Variants in WWOX observed in about 807,000 individuals in gnomAD.
The protein encoded by WWOX is WW domain-containing oxidoreductase.
A neutral mutation model predicts 46.2 loss-of-function variants in WWOX; 69 were observed. The observed-to-expected ratio is 1.49, with a 90% CI of 1.23 to 1.82. The LOEUF (loss-of-function observed/expected upper bound fraction) is 1.82. Among genes scored for constraint, WWOX ranks in the 40% most tolerant of loss-of-function variants. WWOX has a pLI of 0.00. For missense variants in WWOX, 919 were observed against 542.6 expected (o/e 1.69, Z -6.89); for synonymous variants, 359 against 202.6 (o/e 1.77, Z -6.56).
intron 8 of WWOX, among the ~76,000 whole-genome samples, chr16:78,472,131 A>G (rs1409225537): frequency 1.3e-5 from 2 of 152,158 alleles, no homozygotes; most frequent in Non-Finnish European, 2.9e-5. Flanking sequence ...TTAAAACAGG[A>G]AAAAGTAACA....
At chr16:78,605,462 C>T (rs1323857447) in intron 8 of WWOX, among the ~76,000 whole-genome samples, 5 of 152,090 alleles carry the variant, frequency 3.3e-5, no homozygotes, top group Non-Finnish European at 5.9e-5. Flanking sequence ...AAGACCACTC[C>T]AGCCTATTTT....
intron 8 of WWOX, among the ~76,000 whole-genome samples, chr16:78,724,335 C>A (rs72799094): frequency 2.6e-5 from 4 of 152,042 alleles, no homozygotes; most frequent in Non-Finnish European, 5.9e-5. Context: ...AAAAAAGAGA[C>A]AGTTTTCATT....
intron 6 of WWOX, among the ~76,000 whole-genome samples, chr16:78,399,198 G>T (rs1308936119): frequency 6.6e-6 from 1 of 152,124 alleles, no homozygotes; most frequent in Non-Finnish European, 1.5e-5. Flanking sequence ...GGAAGAAGAG[G>T]GAAGAACAAA....
At chr16:78,795,033 G>A (rs989243122) in intron 8 of WWOX, among the ~76,000 whole-genome samples, 1 of 152,210 alleles carries the variant, frequency 6.6e-6, no homozygotes, top group Non-Finnish European at 1.5e-5. Flanking sequence ...TCTTTGAGCT[G>A]GCGATTTTTC....
chr16:78,561,687 T>C (rs905615144), intron 8 of WWOX, among the ~76,000 whole-genome samples: 6 of 151,970 alleles, frequency 3.9e-5, no homozygotes, highest in East Asian at 1.9e-4. Flanking sequence ...GAAGAAGATA[T>C]AAACTGCAAA....
intron 8 of WWOX, among the ~76,000 whole-genome samples, chr16:78,612,965 G>GCCTTTCAC (rs937643419): frequency 6.6e-6 from 1 of 152,152 alleles, no homozygotes; most frequent in African/African-American, 2.4e-5. Flanking sequence ...TACCAACCTT[G>GCCTTTCAC]CCTTTCACCC....
intron 8 of WWOX, among the ~76,000 whole-genome samples, chr16:78,690,260 A>G (rs560819917): frequency 9.9e-5 from 15 of 152,202 alleles, no homozygotes; most frequent in African/African-American, 3.6e-4. Flanking sequence ...CACATAAATA[A>G]TGTTTGTTGG....
At chr16:78,202,440 G>A (rs2036260865) in intron 5 of WWOX, among the ~76,000 whole-genome samples, 1 of 152,136 alleles carries the variant, frequency 6.6e-6, no homozygotes, top group African/African-American at 2.4e-5. Context: ...TTAGGTTGTT[G>A]GAACATAGCT....
At chr16:79,031,804 C>G (rs28671436) in intron 8 of WWOX, among the ~76,000 whole-genome samples, 1 of 136,880 alleles carries the variant, frequency 7.3e-6, no homozygotes, top group Non-Finnish European at 1.6e-5. Flanking sequence ...ATATAGATAT[C>G]TATATAATAT....
At chr16:78,285,141 G>A (rs2079745451) in intron 5 of WWOX, among the ~76,000 whole-genome samples, 1 of 152,090 alleles carries the variant, frequency 6.6e-6, no homozygotes, top group African/African-American at 2.4e-5. Context: ...CCCTCAGAAG[G>A]GAAGGATTGA....
In WWOX at chr16:78,461,219, G is replaced by A. The variant is rs145555989; in HGVS notation, c.1056+28467G>A. Among the ~76,000 whole-genome samples the A allele has an allele frequency of 1.3e-3, 196 of 152,238 alleles. 1 individual carries two copies. The highest frequency in any genetic ancestry group is 4.4e-3 in the African/African-American group (183 of 41,536). ...TCTCATGTACTTACTTTAAATCAGA[G>A]AGCCCACCTGTCCAATTCTAGCTTC... On this transcript the variant is annotated intron_variant, in intron 8 of 8. Coordinates refer to ENST00000566780, the MANE Select transcript of WWOX (RefSeq NM_016373.4).
At chr16:79,176,111 G>A (rs2050795097) in intron 8 of WWOX, among the ~76,000 whole-genome samples, 2 of 152,202 alleles carry the variant, frequency 1.3e-5, no homozygotes, top group Admixed American at 1.3e-4. Context: ...TTGCACACCT[G>A]TGTTGCAAAT....
At chr16:79,039,267 A>G (rs1249031414) in intron 8 of WWOX, among the ~76,000 whole-genome samples, 1 of 152,164 alleles carries the variant, frequency 6.6e-6, no homozygotes, top group Non-Finnish European at 1.5e-5. Flanking sequence ...GTCTTGGTGC[A>G]TAAGCCATTA....
At position 78,549,473 on chromosome 16, in the gene WWOX, G is replaced by A. The variant is rs112125414; in HGVS notation, c.1056+116721G>A. On this transcript the variant is annotated intron_variant, in intron 8 of 8. Coordinates refer to ENST00000566780, the MANE Select transcript of WWOX (RefSeq NM_016373.4). ...AGGGTTTCCCATTCAGTCATGATAT[G>A]CGGTTCAGAGAAAGTTGGATCGACC... is the stretch of plus-strand genomic sequence containing the variant. Among the ~76,000 whole-genome samples, 44 of 152,128 alleles carry A rather than the reference G, an allele frequency of 2.9e-4. 1 individual carries two copies. The highest frequency in any genetic ancestry group is 9.6e-4 in the African/African-American group (40 of 41,504).
chr16:78,564,563 C>G (rs1050731044), intron 8 of WWOX, among the ~76,000 whole-genome samples: 7 of 152,158 alleles, frequency 4.6e-5, no homozygotes, highest in African/African-American at 4.8e-5. Context: ...GGAGACCTTT[C>G]TCAGAGGTCT....
chr16:78,921,974 C>G lies in WWOX; in HGVS notation c.1057-289634C>G, dbSNP rs776357385. Among the ~76,000 whole-genome samples, 3 of 152,190 alleles carry G rather than the reference C, an allele frequency of 2.0e-5. No homozygotes were observed. In the East Asian group the frequency reaches 5.8e-4, roughly 29 times the overall value. ...GAGACAAATGGGGCAAAGTCCAAGA[C>G]AAGTACCAGATGTGAAGCTTCTATT... On this transcript the variant is annotated intron_variant, in intron 8 of 8. Transcript: ENST00000566780.
At chr16:79,160,848 A>T (rs963459550) in intron 8 of WWOX, among the ~76,000 whole-genome samples, 2 of 151,510 alleles carry the variant, frequency 1.3e-5, no homozygotes, top group Non-Finnish European at 2.9e-5. Flanking sequence ...GCATGTGTGT[A>T]CGTATACACG....
At chr16:79,136,113 C>G (rs952754159) in intron 8 of WWOX, among the ~76,000 whole-genome samples, 5 of 152,064 alleles carry the variant, frequency 3.3e-5, no homozygotes, top group Non-Finnish European at 7.4e-5. Context: ...TTGTATTTTC[C>G]AAAGCTAGTC....
At chr16:78,985,140 CT>C (rs911864683) in intron 8 of WWOX, among the ~76,000 whole-genome samples, 13 of 152,312 alleles carry the variant, frequency 8.5e-5, no homozygotes, top group Admixed American at 8.5e-4. Flanking sequence ...TTGCAGATGG[CT>C]TTAGCCCCAG....
Sources: gnomAD v4.1 joint callset for allele counts (sites outside exome capture counted in the v4.1 genomes callset) on GRCh38, gnomAD v4.1.1 for gene constraint, MANE v1.5 for transcripts, NCBI Gene and HGNC (gene_info 2026-07-23, HGNC 2026-07-21) for gene names.